The following UBE2K variants were observed in gnomAD, a reference collection of about 807,000 sequenced individuals.
UBE2K encodes ubiquitin-conjugating enzyme E2 K.
UBE2K carries 6 observed loss-of-function variants against 30.0 expected under a neutral mutation model. The observed-to-expected ratio is 0.20, with a 90% confidence interval of 0.11 to 0.39. UBE2K has a LOEUF of 0.39. Ranked by LOEUF, UBE2K falls within the 10% of genes least tolerant of loss-of-function variation. The pLI is 1.00. For missense variants in UBE2K, 61 were observed against 241.6 expected, an observed-to-expected ratio of 0.25 and a Z score of 4.96; for synonymous variants, 86 against 83.7, an observed-to-expected ratio of 1.03 and a Z score of -0.15.
Position 39,708,801 on chromosome 4 carries a change from A to G in UBE2K, c.63+10411A>G, listed in dbSNP as rs142677418. Among the ~76,000 whole-genome samples, 479 of 152,134 alleles carry G rather than the reference A, an allele frequency of 3.1e-3. 3 individuals carry two copies. The highest frequency in any genetic ancestry group is 0.011 in the African/African-American group (456 of 41,552). ...AATGGTGAACCCAGGCTTTTTGCAT[A>G]CCAGTTTAGTCATAATAAGTAGTTG... On this transcript the variant is annotated intron_variant, in intron 1 of 6. Transcript: ENST00000261427.
intron 1 of UBE2K, among the ~76,000 whole-genome samples, chr4:39,734,067 T>G (rs1035746203): frequency 1.3e-5 from 2 of 152,064 alleles, no homozygotes; most frequent in African/African-American, 4.8e-5. Context: ...TTATCTTTAG[T>G]TCTGTGCAAA....
intron 1 of UBE2K, among the ~76,000 whole-genome samples, chr4:39,715,029 T>C (rs1479096794): frequency 6.7e-6 from 1 of 149,834 alleles, no homozygotes; most frequent in Non-Finnish European, 1.5e-5. Flanking sequence ...TGGCTAATTT[T>C]TTTTTTTTTT....
chr4:39,734,899 A>G (rs1466384148), intron 1 of UBE2K, among the ~76,000 whole-genome samples: 2 of 152,226 alleles, frequency 1.3e-5, no homozygotes, highest in African/African-American at 2.4e-5. Flanking sequence ...TTTACTAGCC[A>G]GAGATTTGGG....
chr4:39,778,351 T>C lies in UBE2K; in HGVS notation c.529-9T>C. On this transcript the variant is annotated splice_polypyrimidine_tract_variant and intron_variant, in intron 6 of 6. Transcript: ENST00000261427. ...GATTTAATTTCCTGTCCCCTTTTCTTCTCTACAGAATGCAGTAATAGTGGC... is the reference window on the plus strand; with the variant it reads ...GATTTAATTTCCTGTCCCCTTTTCTCCTCTACAGAATGCAGTAATAGTGGC... The C allele has an allele frequency of 6.3e-7, 1 of 1,588,948 alleles. No individual in the cohort carries two copies.
intron 4 of UBE2K, among the ~76,000 whole-genome samples, chr4:39,768,066 T>C (rs1022450989): frequency 2.6e-5 from 4 of 152,176 alleles, no homozygotes; most frequent in Non-Finnish European, 5.9e-5. Flanking sequence ...TTGATATGTA[T>C]GTGCCTTTAA....
chr4:39,773,256 T>G (rs1474412665), intron 4 of UBE2K, among the ~76,000 whole-genome samples: 2 of 150,714 alleles, frequency 1.3e-5, no homozygotes, highest in Admixed American at 6.6e-5. Flanking sequence ...GATCACAAGG[T>G]CAGGAGATCA....
chr4:39,704,869 C>CTTT (rs35972302), intron 1 of UBE2K, among the ~76,000 whole-genome samples: 1,581 of 121,292 alleles, frequency 0.013, 96 homozygotes, highest in African/African-American at 0.051. Context: ...GACTATACAC[C>CTTT]TTTTTTTTTT....
intron 1 of UBE2K, among the ~76,000 whole-genome samples, chr4:39,711,454 G>A (rs1718675470): frequency 6.6e-6 from 1 of 151,662 alleles, no homozygotes; most frequent in African/African-American, 2.4e-5. Context: ...GAGCCACCGC[G>A]CCCGGCAGCA....
In UBE2K at chr4:39,778,493, G is replaced by A. The variant is rs568751368; in HGVS notation, c.*59G>A. On this transcript the variant is annotated 3_prime_UTR_variant, in exon 7 of 7. Transcript: ENST00000261427. ...CTCTTCTTGAGGAGCACCAACATCT[G>A]TTATTTTTAGGATTCTGCATAGATT... 5.3e-6 allele frequency: 6 copies of A among 1,124,480 alleles called. 1 individual carries two copies. In the South Asian group the frequency reaches 7.9e-5, roughly 15 times the overall value. 69.7% of individuals were successfully genotyped at this position (1,124,480 alleles called of 1,614,324 possible).
At chr4:39,750,735 T>A (rs79876000) in intron 3 of UBE2K, among the ~76,000 whole-genome samples, 1 of 143,078 alleles carries the variant, frequency 7.0e-6, no homozygotes, top group Non-Finnish European at 1.5e-5. Context: ...TTTTTTTTTT[T>A]ACAAAATTTT....
At position 39,737,400 on chromosome 4, in the gene UBE2K, A is replaced by T; in HGVS notation, c.64-20A>T. ...TTTCTTGCTGACATAACTAACATTTATTTTCTGTTTATTTTTAAGACGAGC... is the reference window on the plus strand; with the variant it reads ...TTTCTTGCTGACATAACTAACATTTTTTTTCTGTTTATTTTTAAGACGAGC... On this transcript the variant is annotated intron_variant, in intron 1 of 6. Coordinates refer to ENST00000261427, the MANE Select transcript of UBE2K (RefSeq NM_005339.5). 6.8e-7 allele frequency: 1 copy of T among 1,470,300 alleles called. No homozygotes were observed. The highest frequency in any genetic ancestry group is 9.1e-7 in the Non-Finnish European group (1 of 1,094,704). 91.1% of individuals were successfully genotyped at this position (1,470,300 alleles called of 1,614,324 possible).
chr4:39,770,037 C>G, intron 4 of UBE2K: 1 of 1,481,714 alleles, frequency 6.7e-7, no homozygotes, highest in Non-Finnish European at 9.0e-7. Context: ...CCTTTCCCCA[C>G]CTAGCCCAGG....
chr4:39,770,022 A>T, intron 4 of UBE2K: 1 of 1,398,988 alleles, frequency 7.1e-7, no homozygotes, highest in Non-Finnish European at 9.6e-7. Flanking sequence ...CCTGGGCCAA[A>T]GAGCCCTTTC....
At chr4:39,713,491 A>C (rs1383486777) in intron 1 of UBE2K, among the ~76,000 whole-genome samples, 3 of 151,392 alleles carry the variant, frequency 2.0e-5, no homozygotes, top group Non-Finnish European at 2.9e-5. Flanking sequence ...TATTTATATG[A>C]TATTGTCTAT....
At chr4:39,778,306 T>G in intron 6 of UBE2K, 54 bp from the exon 7 acceptor site, 1 of 1,164,854 alleles carries the variant, frequency 8.6e-7, no homozygotes, top group Non-Finnish European at 1.3e-6. Flanking sequence ...TGATTCAGTA[T>G]TGTTTAAATG....
At chr4:39,747,629 T>G (rs1020053612) in intron 3 of UBE2K, among the ~76,000 whole-genome samples, 1 of 152,122 alleles carries the variant, frequency 6.6e-6, no homozygotes, top group African/African-American at 2.4e-5. Flanking sequence ...TGTTTTTTGT[T>G]TTTTTGAGAT....
chr4:39,752,935 G>A (rs28742000), intron 3 of UBE2K, among the ~76,000 whole-genome samples: 16,807 of 152,030 alleles, frequency 0.11, 1,140 homozygotes, highest in East Asian at 0.22. Context: ...GGGGAGGATT[G>A]CCTGAGCCCA....
At chr4:39,755,088 TATTTA>T (rs758308426) in intron 3 of UBE2K, among the ~76,000 whole-genome samples, 56 of 152,214 alleles carry the variant, frequency 3.7e-4, no homozygotes, top group Non-Finnish European at 4.8e-4. Flanking sequence ...TCTGTTTAGC[TATTTA>T]ATTAGATTTC....
At chr4:39,713,406 T>C (rs1486926908) in intron 1 of UBE2K, among the ~76,000 whole-genome samples, 1 of 140,338 alleles carries the variant, frequency 7.1e-6, no homozygotes, top group Non-Finnish European at 1.5e-5. Flanking sequence ...AATCTGCCCA[T>C]CTCGGCATCC....
Sources: allele counts gnomAD v4.1 joint callset (sites outside exome capture counted in the v4.1 genomes callset), GRCh38; gene constraint gnomAD v4.1.1; transcripts MANE v1.5; gene names NCBI Gene and HGNC (gene_info 2026-07-23, HGNC 2026-07-21).